Variants in APC2 observed in about 807,000 individuals in gnomAD.
APC2 encodes the protein APC regulator of Wnt signaling pathway 2.
APC2 carries 41 observed loss-of-function variants against 72.5 expected under a neutral mutation model. The ratio of observed to expected loss-of-function variants is 0.57; its 90% confidence interval spans 0.44 to 0.73. The LOEUF (loss-of-function observed/expected upper bound fraction) is 0.73, where lower values mean the gene tolerates loss of function less well. Among genes scored for constraint, APC2 ranks in the 30% least tolerant of loss-of-function variants. The pLI is 0.00. For synonymous variants in APC2, 1,898 were observed against 1,612.0 expected (o/e 1.18, Z -4.25); for missense variants, 3,729 against 3,403.4 (o/e 1.10, Z -2.38).
chr19:1,467,670 G>A lies in APC2; in HGVS notation c.4369G>A (p.Gly1457Ser), dbSNP rs2084043579. ...GAGRSAEQSR[G>S]AGKNRAGLEL... Reference sequence around the variant, plus strand: ...CGGCCGCAGCGCGGAGCAGTCTCGGGGCGCGGGCAAGAACAGAGCAGGGCT... The same window carrying A: ...CGGCCGCAGCGCGGAGCAGTCTCGGAGCGCGGGCAAGAACAGAGCAGGGCT... The change falls in exon 15 of 15, where the codon GGC becomes AGC. Residue 1457 changes from glycine (G) to serine (S), a missense_variant. Gly to Ser is a moderately conservative substitution (Grantham distance 56). Transcript: ENST00000590469. 3.4e-6 allele frequency: 5 copies of A among 1,479,546 alleles called. No individual in the cohort carries two copies. Among genetic ancestry groups the A allele is most frequent in the Non-Finnish European group, 4.5e-6 (5 of 1,123,398 alleles). 91.7% of individuals were successfully genotyped at this position (1,479,546 alleles called of 1,614,324 possible).
Position 1,469,199 on chromosome 19 carries a change from C to CG in APC2, c.5903dup (p.Arg1969ProfsTer184). 3 of 1,309,570 alleles carry CG rather than the reference C, an allele frequency of 2.3e-6. No individual in the cohort carries two copies. The highest frequency in any genetic ancestry group is 1.9e-5 in the South Asian group (1 of 53,954). The allele number at this position is 1,309,570 out of a possible 1,614,324, so 81.1% of individuals were successfully genotyped here. On this transcript the variant is annotated frameshift_variant, in exon 15 of 15. Coordinates refer to ENST00000590469, the MANE Select transcript of APC2 (RefSeq NM_005883.3). LOFTEE classifies it low-confidence loss of function (END_TRUNC). Reference sequence around the variant, plus strand: ...GGACCGAGGCGGGCCCGGGGGCGCGCGGGGGCCGCCTGGGCCTGGTGCGTG... The same window carrying CG: ...GGACCGAGGCGGGCCCGGGGGCGCGCGGGGGGCCGCCTGGGCCTGGTGCGTG...
intron 10 of APC2, 97 bp from the exon 11 acceptor site, chr19:1,460,084 G>A (rs1297998846): frequency 5.2e-6 from 8 of 1,526,056 alleles, no homozygotes; most frequent in Non-Finnish European, 7.2e-6. Context: ...GCAGGTCTGG[G>A]GCATAGGGAG....
rs777434725 is a variant in APC2 at position 1,457,020 on chromosome 19, C to G, written c.984C>G (p.Ala328=). 6.5e-7 allele frequency: 1 copy of G among 1,527,684 alleles called. No homozygotes were observed. The highest frequency in any genetic ancestry group is 8.7e-7 in the Non-Finnish European group (1 of 1,143,766). The allele number at this position is 1,527,684 out of a possible 1,614,324, so 94.6% of individuals were successfully genotyped here. The change falls in exon 9 of 15, where the codon GCC becomes GCG. Residue 328 remains alanine, a synonymous_variant. Transcript: ENST00000590469. ...LQILHGTEAA[A]GGRAGAPGAP... ...TCCTCCACGGCACCGAGGCCGCGGCCGGGGGTCGCGCCGGGGCCCCAGGGG... is the reference window on the plus strand; with the variant it reads ...TCCTCCACGGCACCGAGGCCGCGGCGGGGGGTCGCGCCGGGGCCCCAGGGG...
At chr19:1,461,634 C>T (rs1000466101) in intron 13 of APC2, 15 of 344,436 alleles carry the variant, frequency 4.4e-5, no homozygotes, top group East Asian at 2.4e-4. Flanking sequence ...GGGCGGATCA[C>T]AAGGTCAGGA....
At position 1,457,250 on chromosome 19, in the gene APC2, G is replaced by A; in HGVS notation, c.1207+7G>A. The A allele has an allele frequency of 1.3e-6, 2 of 1,516,350 alleles. No individual in the cohort carries two copies. The highest frequency in any genetic ancestry group is 8.8e-7 in the Non-Finnish European group (1 of 1,137,288). 93.9% of individuals were successfully genotyped at this position (1,516,350 alleles called of 1,614,324 possible). A position where few individuals can be genotyped will look rare whatever the true frequency, so the allele number is the denominator to read the frequency against. On this transcript the variant is annotated splice_region_variant and intron_variant, in intron 9 of 14. Coordinates refer to ENST00000590469, the MANE Select transcript of APC2 (RefSeq NM_005883.3). ...GGAGGTGGCGCCGGCAGCGGTGAGTGCCTGGCCTGGTGGGCCCCCTCCGCG... is the reference window on the plus strand; with the variant it reads ...GGAGGTGGCGCCGGCAGCGGTGAGTACCTGGCCTGGTGGGCCCCCTCCGCG...
chr19:1,467,702 GC>G lies in APC2; in HGVS notation c.4405del (p.Leu1469TrpfsTer111). 1 of 1,448,202 alleles carries G rather than the reference GC, an allele frequency of 6.9e-7. No individual in the cohort carries two copies. The highest frequency in any genetic ancestry group is 1.4e-5 in the South Asian group (1 of 71,444). The allele number at this position is 1,448,202 out of a possible 1,614,324, so 89.7% of individuals were successfully genotyped here. On this transcript the variant is annotated frameshift_variant, in exon 15 of 15. Transcript: ENST00000590469. LOFTEE classifies it low-confidence loss of function (END_TRUNC). ...GCAAGAACAGAGCAGGGCTGGAGCTGCCCCTGGGCCGGCCCCCGAGCGCCCC... is the reference window on the plus strand; with the variant it reads ...GCAAGAACAGAGCAGGGCTGGAGCTGCCCTGGGCCGGCCCCCGAGCGCCCC... ...AGKNRAGLEL[P>X]LGRPPSAPAD... is the part of the protein sequence containing the mutation.
In APC2 at chr19:1,468,293, G is replaced by A; in HGVS notation, c.4992G>A (p.Gly1664=). The part of the protein sequence containing the change: ...ATRLDERPAE[G]SRERGEEAAG... ...GGCTGGATGAGCGGCCCGCAGAGGG[G>A]TCCCGGGAACGCGGCGAGGAGGCAG... The change falls in exon 15 of 15, where the codon GGG becomes GGA. Residue 1664 remains glycine, a synonymous_variant. Coordinates refer to ENST00000590469, the MANE Select transcript of APC2 (RefSeq NM_005883.3). 6.5e-7 allele frequency: 1 copy of A among 1,540,854 alleles called. No individual in the cohort carries two copies. The highest frequency in any genetic ancestry group is 8.7e-7 in the Non-Finnish European group (1 of 1,144,368).
intron 14 of APC2, 88 bp downstream of exon 14, chr19:1,462,265 A>G (rs2083939155): frequency 8.5e-6 from 11 of 1,288,700 alleles, no homozygotes; most frequent in African/African-American, 1.5e-5. Flanking sequence ...CCGTGAATGC[A>G]TGCTCCCAAG....
At chr19:1,459,141 T>TGG (rs1166606320) in intron 10 of APC2, among the ~76,000 whole-genome samples, 2 of 152,176 alleles carry the variant, frequency 1.3e-5, no homozygotes, top group Non-Finnish European at 2.9e-5. Context: ...ATTTTATGCC[T>TGG]GGCGTCTCCC....
Position 1,469,583 on chromosome 19 carries a change from G to A in APC2, c.6282G>A (p.Glu2094=). 7.9e-7 allele frequency: 1 copy of A among 1,262,216 alleles called. No homozygotes were observed. Among genetic ancestry groups the A allele is most frequent in the South Asian group, 1.8e-5 (1 of 55,856 alleles). The allele number at this position is 1,262,216 out of a possible 1,614,324, so 78.2% of individuals were successfully genotyped here. A position where few individuals can be genotyped will look rare whatever the true frequency, so the allele number is the denominator to read the frequency against. ...LPVRAPAARP[E]TVKRYASLPH... ...TGCGCGCGCCCGCCGCCCGGCCGGA[G>A]ACTGTCAAGCGCTACGCGTCGCTGC... The change falls in exon 15 of 15, where the codon GAG becomes GAA. Residue 2094 remains glutamate, a synonymous_variant. Transcript: ENST00000590469.
upstream of APC2, among the ~76,000 whole-genome samples, chr19:1,449,219 A>C (rs1456328226): frequency 2.0e-5 from 3 of 149,952 alleles, no homozygotes; most frequent in African/African-American, 7.6e-5. Context: ...CTGCCTGCCC[A>C]GCACGGAAAA....
rs757778786 is a variant in APC2, at chr19:1,469,261, A to G, written c.5960A>G (p.Asp1987Gly). ...CTCTCCAGCGGCAGCGAGTCCTCCG[A>G]CCGCTCGGGCTTCCGGCGACAGCTA... ...SALSSGSESS[D>G]RSGFRRQLTF... is the part of the protein sequence containing the mutation. The change falls in exon 15 of 15, where the codon GAC (aspartate) becomes GGC (glycine). Residue 1987 changes from aspartate (D) to glycine (G), a missense_variant. Transcript: ENST00000590469. 1.4e-6 allele frequency: 2 copies of G among 1,426,782 alleles called. No individual in the cohort carries two copies. The highest frequency in any genetic ancestry group is 3.4e-5 in the East Asian group (1 of 29,726). The allele number at this position is 1,426,782 out of a possible 1,614,324, so 88.4% of individuals were successfully genotyped here. A position where few individuals can be genotyped will look rare whatever the true frequency, so the allele number is the denominator to read the frequency against.
At chr19:1,457,517 CT>C (rs1043959815) in intron 9 of APC2, 2 of 546,152 alleles carry the variant, frequency 3.7e-6, no homozygotes, top group East Asian at 3.3e-5. Context: ...CTTTGAGATT[CT>C]TTTTTTGCAG....
chr19:1,458,194 C>G, intron 10 of APC2, 134 bp downstream of exon 10: 2 of 787,370 alleles, frequency 2.5e-6, no homozygotes. Context: ...GGACAGACTC[C>G]CTGGAGTCAC....
Position 1,456,309 on chromosome 19 carries a change from T to C in APC2, c.721T>C (p.Leu241=), listed in dbSNP as rs780267185. The change falls in exon 8 of 15, where the codon TTG becomes CTG. Residue 241 remains leucine, a synonymous_variant. Transcript: ENST00000590469. Reference sequence around the variant, plus strand: ...GACCCTGGTGCTCTCCCTGCAGGCCTTGCTGGCGGTGAAGTCGGTGCCGGT... The same window carrying C: ...GACCCTGGTGCTCTCCCTGCAGGCCCTGCTGGCGGTGAAGTCGGTGCCGGT... The part of the protein sequence containing the change: ...DRVQQTEPQA[L]LAVKSVPVDE... The C allele has an allele frequency of 6.2e-7, 1 of 1,607,274 alleles. No individual in the cohort carries two copies. Among genetic ancestry groups the C allele is most frequent in the Non-Finnish European group, 8.5e-7 (1 of 1,177,652 alleles).
chr19:1,451,132 G>C (rs1053230441), intron 1 of APC2, among the ~76,000 whole-genome samples: 1 of 152,224 alleles, frequency 6.6e-6, no homozygotes, highest in Non-Finnish European at 1.5e-5. Flanking sequence ...TCACAGAGGG[G>C]TGTCAGGAGC....
At position 1,468,497 on chromosome 19, in the gene APC2, C is replaced by A. The variant is rs763206137; in HGVS notation, c.5196C>A (p.Pro1732=). 1.2e-6 allele frequency: 2 copies of A among 1,604,396 alleles called. No individual in the cohort carries two copies. Among genetic ancestry groups the A allele is most frequent in the Admixed American group, 3.4e-5 (2 of 59,608 alleles). The change falls in exon 15 of 15, where the codon CCC becomes CCA. Residue 1732 remains proline, a synonymous_variant. Transcript: ENST00000590469. Reference sequence around the variant, plus strand: ...TGTCAGTGGGATCCACCCTACAGCCCCCCAAGCACAGGAAGGGACGACAGG... The same window carrying A: ...TGTCAGTGGGATCCACCCTACAGCCACCCAAGCACAGGAAGGGACGACAGG... ...SGLSVGSTLQ[P]PKHRKGRQAE...
intron 1 of APC2, chr19:1,451,844 G>A (rs1466273750): frequency 6.6e-6 from 1 of 152,498 alleles, no homozygotes; most frequent in Admixed American, 6.5e-5. Context: ...CCCTACTCCT[G>A]TCCCAGCCGT....
At position 1,466,051 on chromosome 19, in the gene APC2, C is replaced by T. The variant is rs1341286497; in HGVS notation, c.2750C>T (p.Ala917Val). The change falls in exon 15 of 15, where the codon GCG (alanine) becomes GTG (valine). Residue 917 changes from alanine (A) to valine (V), a missense_variant. By Grantham distance (64) the Ala-to-Val change is moderately conservative. Transcript: ENST00000590469. ...SRAHPLLRLK[A>V]AHASLSNDSL... ...GCGCACCCGCTGCTGCGGCTCAAGG[C>T]GGCCCACGCCAGCCTCTCCAACGAC... The T allele has an allele frequency of 6.0e-6, 9 of 1,501,078 alleles. No homozygotes were observed. The highest frequency in any genetic ancestry group is 1.8e-4 in the Middle Eastern group (1 of 5,668). 93.0% of individuals were successfully genotyped at this position (1,501,078 alleles called of 1,614,324 possible).
Sources: gnomAD v4.1 joint callset for allele counts (sites outside exome capture counted in the v4.1 genomes callset) on GRCh38, gnomAD v4.1.1 for gene constraint, MANE v1.5 for transcripts, NCBI Gene and HGNC (gene_info 2026-07-23, HGNC 2026-07-21) for gene names.